The following LRP1B variants were observed in gnomAD, a reference collection of about 807,000 sequenced individuals.
The protein encoded by LRP1B is low-density lipoprotein receptor-related protein 1B.
LRP1B carries 217 observed loss-of-function variants against 556.6 expected under a neutral mutation model. The ratio of observed to expected loss-of-function variants is 0.39; its 90% CI spans 0.35 to 0.44. LRP1B has a LOEUF of 0.44. Ranked by LOEUF, LRP1B falls within the 20% of genes least tolerant of loss-of-function variation. The pLI is 1.00. For synonymous variants in LRP1B, 2,047 were observed against 1,865.8 expected (o/e 1.10, Z -2.50); for missense variants, 5,053 against 5,620.8 (o/e 0.90, Z 3.23).
chr2:140,340,505 A>T (rs1228262169), intron 77 of LRP1B, among the ~76,000 whole-genome samples: 1 of 151,468 alleles, frequency 6.6e-6, no homozygotes, highest in Non-Finnish European at 1.5e-5. Flanking sequence ...CTCCTTCCTT[A>T]TTTCCAGGTC....
At chr2:140,820,058 G>A (rs1691268322) in intron 31 of LRP1B, among the ~76,000 whole-genome samples, 1 of 152,142 alleles carries the variant, frequency 6.6e-6, no homozygotes, top group Non-Finnish European at 1.5e-5. Flanking sequence ...GGAGTGCAGT[G>A]GCATGACCTC....
intron 35 of LRP1B, among the ~76,000 whole-genome samples, chr2:140,766,647 T>TGATG (rs1376968458): frequency 1.1e-4 from 13 of 122,526 alleles, no homozygotes; most frequent in African/African-American, 3.5e-4. Flanking sequence ...GATGATGATG[T>TGATG]TTATCCTCAA....
intron 25 of LRP1B, among the ~76,000 whole-genome samples, chr2:140,872,020 G>A (rs970588525): frequency 1.4e-5 from 2 of 146,218 alleles, no homozygotes. Flanking sequence ...ATTTGTGTGT[G>A]TGTGTGTGTT....
intron 2 of LRP1B, among the ~76,000 whole-genome samples, chr2:141,744,219 GT>G (rs998463592): frequency 6.6e-6 from 1 of 151,740 alleles, no homozygotes; most frequent in Non-Finnish European, 1.5e-5. Flanking sequence ...AAATTTTTCA[GT>G]TTTTTTCTTT....
chr2:140,384,599 C>T (rs1683678598), intron 67 of LRP1B, among the ~76,000 whole-genome samples: 1 of 152,140 alleles, frequency 6.6e-6, no homozygotes, highest in Non-Finnish European at 1.5e-5. Context: ...AGATTTCATG[C>T]TTAATATACT....
intron 2 of LRP1B, among the ~76,000 whole-genome samples, chr2:141,784,143 T>C (rs114162490): frequency 0.027 from 4,171 of 152,054 alleles, 72 homozygotes; most frequent in Non-Finnish European, 0.042. Context: ...TTGACAGATA[T>C]ACAAGGTAAA....
At chr2:142,031,646 A>C (rs1019732528) in intron 1 of LRP1B, among the ~76,000 whole-genome samples, 21 of 147,094 alleles carry the variant, frequency 1.4e-4, no homozygotes, top group African/African-American at 4.9e-4. Flanking sequence ...TTTCTAAAAA[A>C]AAAATGACAT....
At chr2:141,468,087 G>A (rs1471217754) in intron 3 of LRP1B, among the ~76,000 whole-genome samples, 2 of 152,042 alleles carry the variant, frequency 1.3e-5, no homozygotes, top group African/African-American at 2.4e-5. Context: ...ATTAAACCAA[G>A]GCACATTTGC....
At chr2:140,564,549 A>G (rs1681055705) in intron 43 of LRP1B, among the ~76,000 whole-genome samples, 1 of 152,126 alleles carries the variant, frequency 6.6e-6, no homozygotes, top group Non-Finnish European at 1.5e-5. Context: ...TCAATAAAAA[A>G]TGTTATGCTA....
chr2:142,089,215 GT>G (rs555283057), intron 1 of LRP1B, among the ~76,000 whole-genome samples: 930 of 53,630 alleles, frequency 0.017, 9 homozygotes, highest in African/African-American at 0.068. Flanking sequence ...ATTAATTTTA[GT>G]TTTTTTCTGC....
intron 7 of LRP1B, among the ~76,000 whole-genome samples, chr2:141,079,553 G>T (rs1699873505): frequency 6.6e-6 from 1 of 152,282 alleles, no homozygotes; most frequent in Admixed American, 6.5e-5. Context: ...TAATAATCCT[G>T]CAAGCAATAA....
At chr2:141,388,231 T>C (rs977312251) in intron 3 of LRP1B, among the ~76,000 whole-genome samples, 4 of 151,166 alleles carry the variant, frequency 2.6e-5, no homozygotes, top group African/African-American at 4.9e-5. Context: ...AGGTCAGGAG[T>C]TTGAGACCAG....
chr2:140,691,364 G>A (rs1281375443), intron 41 of LRP1B, among the ~76,000 whole-genome samples: 2 of 151,780 alleles, frequency 1.3e-5, no homozygotes, highest in African/African-American at 2.4e-5. Context: ...CCAGCTACTT[G>A]GAAGGCTGAG....
intron 1 of LRP1B, among the ~76,000 whole-genome samples, chr2:141,889,994 A>G (rs1446065824): frequency 7.1e-6 from 1 of 140,236 alleles, no homozygotes; most frequent in Non-Finnish European, 1.5e-5. Flanking sequence ...CCATATGTGA[A>G]CAATAGAATG....
intron 3 of LRP1B, among the ~76,000 whole-genome samples, chr2:141,409,879 G>A (rs1360120829): frequency 6.6e-6 from 1 of 151,978 alleles, no homozygotes; most frequent in Non-Finnish European, 1.5e-5. Context: ...AATAACTTGA[G>A]AAGAGAGAAT....
rs781575951 is a variant in LRP1B, at chr2:140,850,219, C to T, written c.4822G>A (p.Val1608Ile). 7.4e-6 allele frequency: 12 copies of T among 1,612,600 alleles called. No homozygotes were observed. The highest frequency in any genetic ancestry group is 6.7e-5 in the East Asian group (3 of 44,812). ...GATGCATCGAAGTCTATCACAGTAA[C>T]GTCATCAATATCAGGGACTGTAAAT... ...TAFTVPDIDD[V>I]TVIDFDASEE... The change falls in exon 29 of 91, where the codon GTT becomes ATT. Residue 1608 changes from valine (V) to isoleucine (I), a missense_variant. Val to Ile is a conservative substitution (Grantham distance 29, BLOSUM62 3). This residue lies in a region of LRP1B where 3,619 missense variants were observed against 3,931.9 expected (regional missense o/e 0.92). Coordinates refer to ENST00000389484, the MANE Select transcript of LRP1B (RefSeq NM_018557.3).
At chr2:140,878,355 TATTA>T (rs1219129897) in intron 25 of LRP1B, among the ~76,000 whole-genome samples, 2 of 152,166 alleles carry the variant, frequency 1.3e-5, no homozygotes, top group Non-Finnish European at 2.9e-5. Context: ...TGTATAAAAA[TATTA>T]ATTATCTGAA....
intron 75 of LRP1B, 51 bp from the exon 76 acceptor site, chr2:140,353,123 C>G: frequency 8.2e-6 from 13 of 1,575,792 alleles, no homozygotes; most frequent in Non-Finnish European, 1.0e-5. Context: ...ATTCAGACTC[C>G]TATTCTTACC....
At chr2:141,295,147 A>C (rs1686133016) in intron 3 of LRP1B, among the ~76,000 whole-genome samples, 1 of 152,140 alleles carries the variant, frequency 6.6e-6, no homozygotes, top group Admixed American at 6.5e-5. Context: ...AAAATCTGCC[A>C]ATTACATAAT....
Sources: gnomAD v4.1 joint callset for allele counts (sites outside exome capture counted in the v4.1 genomes callset) on GRCh38, gnomAD v4.1.1 for gene constraint, gnomAD v4.1.1 regional missense constraint, MANE v1.5 for transcripts, NCBI Gene and HGNC (gene_info 2026-07-23, HGNC 2026-07-21) for gene names.